Variants in GNAO1 observed in about 807,000 individuals in gnomAD.
The protein encoded by GNAO1 is G protein subunit alpha o1, also known as guanine nucleotide-binding protein G(o) subunit alpha.
For synonymous variants in GNAO1, 164 were observed against 180.7 expected, an observed-to-expected ratio of 0.91 and a Z score of 0.74; for missense variants, 166 against 478.7, an observed-to-expected ratio of 0.35 and a Z score of 6.10.
intron 3 of GNAO1, among the ~76,000 whole-genome samples, chr16:56,309,626 G>C (rs1481241939): frequency 6.6e-6 from 1 of 152,252 alleles, no homozygotes; most frequent in Non-Finnish European, 1.5e-5. Context: ...CAGCCAATCA[G>C]GGTTGTTCTC....
chr16:56,288,906 G>C (rs2037201029), intron 3 of GNAO1, among the ~76,000 whole-genome samples: 1 of 151,980 alleles, frequency 6.6e-6, no homozygotes, highest in African/African-American at 2.4e-5. Flanking sequence ...TAGATCTGAG[G>C]AACGACACCG....
In GNAO1 at chr16:56,354,770, A is replaced by G; in HGVS notation, c.878-96A>G. The G allele has an allele frequency of 1.4e-6, 1 of 705,634 alleles. No individual in the cohort carries two copies. Among genetic ancestry groups the G allele is most frequent in the Non-Finnish European group, 2.5e-6 (1 of 404,480 alleles). 43.7% of individuals were successfully genotyped at this position (705,634 alleles called of 1,614,324 possible). The stretch of plus-strand genomic sequence containing the variant: ...TTCCTGTCTCATCCCACTTCCTGGG[A>G]CACGCCACAACCCACTTCTTGTCTT... On this transcript the variant is annotated intron_variant, in intron 7 of 8. Coordinates refer to ENST00000262493, the MANE Select transcript of GNAO1 (RefSeq NM_020988.3). This position sits in a 1 kb window ranked among gnomAD's most constrained non-coding sequence, Gnocchi z 4.3.
Position 56,239,544 on chromosome 16 carries a change from C to T in GNAO1, c.162-36387C>T, listed in dbSNP as rs147529507. On this transcript the variant is annotated intron_variant, in intron 2 of 8. Coordinates refer to ENST00000262493, the MANE Select transcript of GNAO1 (RefSeq NM_020988.3). Reference sequence around the variant, plus strand: ...CCACAGGGACTGACAAGGCACCACCCCATAAGAATGTCTGTACCCTTTTGG... The same window carrying T: ...CCACAGGGACTGACAAGGCACCACCTCATAAGAATGTCTGTACCCTTTTGG... 1.2e-3 allele frequency among the ~76,000 whole-genome samples: 190 copies of T among 152,268 alleles called. No homozygotes were observed. The East Asian group carries it at 0.023, about 18-fold the overall frequency.
intron 2 of GNAO1, among the ~76,000 whole-genome samples, chr16:56,260,110 A>G (rs1415637506): frequency 1.3e-5 from 2 of 152,178 alleles, no homozygotes; most frequent in African/African-American, 4.8e-5. Context: ...GTCAGGAGGC[A>G]GGGGTTATTG....
At chr16:56,338,863 T>A (rs574841834) in intron 6 of GNAO1, among the ~76,000 whole-genome samples, 31 of 152,372 alleles carry the variant, frequency 2.0e-4, no homozygotes, top group Admixed American at 1.0e-3. Context: ...CCTTGCTGCC[T>A]GGAGCACTTG....
At chr16:56,298,550 G>A (rs1427457415) in intron 3 of GNAO1, among the ~76,000 whole-genome samples, 1 of 152,112 alleles carries the variant, frequency 6.6e-6, no homozygotes, top group Non-Finnish European at 1.5e-5. Context: ...CCAAAACATA[G>A]CCCATCTAGC....
intron 3 of GNAO1, among the ~76,000 whole-genome samples, chr16:56,312,050 G>C (rs545662453): frequency 6.6e-6 from 1 of 152,140 alleles, no homozygotes; most frequent in Admixed American, 6.5e-5. Flanking sequence ...CCCTGCCCTC[G>C]GGGAGACAGG....
intron 6 of GNAO1, among the ~76,000 whole-genome samples, chr16:56,349,545 C>T (rs1172900526): frequency 6.6e-6 from 1 of 152,212 alleles, no homozygotes; most frequent in Non-Finnish European, 1.5e-5. Context: ...ACCTGCTCCT[C>T]CCCGGAGGGA....
intron 2 of GNAO1, among the ~76,000 whole-genome samples, chr16:56,210,343 T>G (rs2036374844): frequency 6.6e-6 from 1 of 152,250 alleles, no homozygotes; most frequent in East Asian, 1.9e-4. Flanking sequence ...GCTTCCAAGT[T>G]TTGGGAATTA....
chr16:56,259,449 C>T (rs1322398248), intron 2 of GNAO1, among the ~76,000 whole-genome samples: 2 of 152,166 alleles, frequency 1.3e-5, no homozygotes, highest in East Asian at 3.9e-4. Context: ...TGTTCCATAC[C>T]AGCCTGACCC....
At chr16:56,226,125 C>T (rs2036531054) in intron 2 of GNAO1, among the ~76,000 whole-genome samples, 3 of 151,874 alleles carry the variant, frequency 2.0e-5, no homozygotes, top group South Asian at 2.1e-4. Flanking sequence ...GTGTGGAGGA[C>T]GGGCTGTGGA....
At chr16:56,329,631 T>G (rs1481812305) in intron 4 of GNAO1, among the ~76,000 whole-genome samples, 3 of 152,222 alleles carry the variant, frequency 2.0e-5, no homozygotes, top group Admixed American at 6.5e-5. Flanking sequence ...ATTGCCCCCT[T>G]GGCTTTCGGG....
intron 3 of GNAO1, among the ~76,000 whole-genome samples, chr16:56,295,963 G>A (rs1305993188): frequency 2.6e-5 from 4 of 152,148 alleles, no homozygotes; most frequent in East Asian, 1.9e-4. Flanking sequence ...TTCTCTTCCC[G>A]TACCTTCCAG....
chr16:56,225,038 C>A (rs1192711268), intron 2 of GNAO1, among the ~76,000 whole-genome samples: 1 of 152,204 alleles, frequency 6.6e-6, no homozygotes, highest in Non-Finnish European at 1.5e-5. Flanking sequence ...CTGATAGTGT[C>A]CCCCATCTCC....
intron 2 of GNAO1, among the ~76,000 whole-genome samples, chr16:56,207,464 C>T (rs953387872): frequency 2.0e-5 from 3 of 152,170 alleles, no homozygotes; most frequent in Admixed American, 6.5e-5. Context: ...GTGGCCAGTA[C>T]GTGGTAGAAC....
At chr16:56,251,246 G>A (rs2036797252) in intron 2 of GNAO1, among the ~76,000 whole-genome samples, 1 of 152,190 alleles carries the variant, frequency 6.6e-6, no homozygotes, top group South Asian at 2.1e-4. Context: ...ATCGAAATTG[G>A]CAAGTCTGGC....
intron 4 of GNAO1, among the ~76,000 whole-genome samples, chr16:56,331,302 G>A (rs1223622193): frequency 1.3e-5 from 2 of 152,150 alleles, no homozygotes; most frequent in Non-Finnish European, 2.9e-5. Flanking sequence ...AGAAACCCTG[G>A]GCACATCCAA....
chr16:56,256,099 G>C (rs1358112566), intron 2 of GNAO1, among the ~76,000 whole-genome samples: 1 of 152,152 alleles, frequency 6.6e-6, no homozygotes, highest in East Asian at 1.9e-4. Context: ...TGTTGTGAGT[G>C]TTCTTTGTTC....
chr16:56,219,063 T>G (rs2036461225), intron 2 of GNAO1, among the ~76,000 whole-genome samples: 1 of 152,184 alleles, frequency 6.6e-6, no homozygotes, highest in African/African-American at 2.4e-5. Context: ...GCTGCTCTTC[T>G]GAGTTGGCCC....
Sources: allele counts gnomAD v4.1 joint callset (sites outside exome capture counted in the v4.1 genomes callset), GRCh38; gene constraint gnomAD v4.1.1; non-coding constraint Gnocchi (gnomAD v3.1); transcripts MANE v1.5; gene names NCBI Gene and HGNC (gene_info 2026-07-23, HGNC 2026-07-21).